GLIS3: variants seen among roughly 807,000 people sequenced by gnomAD.
The protein encoded by GLIS3 is GLIS family zinc finger 3, also known as zinc finger protein GLIS3.
GLIS3 carries 53 observed loss-of-function variants against 78.6 expected under a neutral mutation model. That is an observed-to-expected ratio of 0.67 (90% confidence interval 0.54 to 0.85). GLIS3 has a LOEUF of 0.85. GLIS3 is among the 40% of genes least tolerant of loss of function. GLIS3 has a pLI of 0.00. For synonymous variants in GLIS3, 684 were observed against 509.9 expected, an observed-to-expected ratio of 1.34 and a Z score of -4.60; for missense variants, 1,703 against 1,231.1, an observed-to-expected ratio of 1.38 and a Z score of -5.74.
intron 2 of GLIS3, among the ~76,000 whole-genome samples, chr9:4,324,867 G>C (rs1394618586): frequency 6.6e-6 from 1 of 152,106 alleles, no homozygotes; most frequent in East Asian, 1.9e-4. Context: ...CTCTTACCTT[G>C]CTTTAAAACC....
rs550356641 is a variant in GLIS3, at chr9:4,042,191, G to A, written c.1710+75577C>T. ...AGCTTCCTGAAGGAAGGAAGGATGAGTGGAGAGATTTGGGTACCAAAATTT... is the reference window on the plus strand; with the variant it reads ...AGCTTCCTGAAGGAAGGAAGGATGAATGGAGAGATTTGGGTACCAAAATTT... On this transcript the variant is annotated intron_variant, in intron 4 of 10. Transcript: ENST00000381971. Among the ~76,000 whole-genome samples, 14 of 152,214 alleles carry A rather than the reference G, an allele frequency of 9.2e-5. No homozygotes were observed. The East Asian group carries it at 2.7e-3, about 29-fold the overall frequency.
chr9:4,066,798 T>C (rs1222837550), intron 4 of GLIS3, among the ~76,000 whole-genome samples: 2 of 152,232 alleles, frequency 1.3e-5, no homozygotes, highest in African/African-American at 2.4e-5. Context: ...TCTAGCGTGC[T>C]TGTCTGCTTG....
intron 2 of GLIS3, among the ~76,000 whole-genome samples, chr9:4,128,894 C>T (rs919030606): frequency 6.6e-6 from 1 of 152,222 alleles, no homozygotes; most frequent in Non-Finnish European, 1.5e-5. Context: ...ACACTTTACA[C>T]TCAAGTGTAA....
chr9:3,958,283 C>A (rs1002290110), intron 4 of GLIS3, among the ~76,000 whole-genome samples: 3 of 152,062 alleles, frequency 2.0e-5, no homozygotes, highest in Non-Finnish European at 4.4e-5. Context: ...AAAAATGCAC[C>A]ATTTTTATTG....
intron 9 of GLIS3, among the ~76,000 whole-genome samples, chr9:3,836,060 CA>C (rs1478837640): frequency 6.6e-6 from 1 of 152,134 alleles, no homozygotes; most frequent in Non-Finnish European, 1.5e-5. Context: ...TGAAAAGGAA[CA>C]AATAAGGAAG....
intron 4 of GLIS3, among the ~76,000 whole-genome samples, chr9:4,091,725 C>T (rs922932022): frequency 6.6e-6 from 1 of 152,132 alleles, no homozygotes; most frequent in Non-Finnish European, 1.5e-5. Flanking sequence ...GTTTGCTTTC[C>T]CTTCTGCCAT....
intron 6 of GLIS3, among the ~76,000 whole-genome samples, chr9:3,929,979 T>G (rs1368255212): frequency 6.6e-6 from 1 of 152,322 alleles, no homozygotes; most frequent in Middle Eastern, 3.4e-3. Flanking sequence ...CATTGTACCA[T>G]GTAAATATTA....
At chr9:4,352,897 A>C (rs1337392306), upstream of GLIS3, among the ~76,000 whole-genome samples, 3 of 152,248 alleles carry the variant, frequency 2.0e-5, no homozygotes, top group East Asian at 5.8e-4. Context: ...TGGTGCATGG[A>C]AAAAATCCAG....
At chr9:3,934,363 T>C (rs1825777564) in intron 5 of GLIS3, among the ~76,000 whole-genome samples, 1 of 152,160 alleles carries the variant, frequency 6.6e-6, no homozygotes, top group South Asian at 2.1e-4. Flanking sequence ...GCCATTATTA[T>C]TACCATGGTC....
chr9:4,353,635 C>CG, the GLIS3 span, among the ~76,000 whole-genome samples: 24 of 152,104 alleles, frequency 1.6e-4, no homozygotes, highest in African/African-American at 5.8e-4. Flanking sequence ...TTACCCAAAA[C>CG]GGGCCGTAAT....
At chr9:4,138,625 T>C (rs540823869) in intron 2 of GLIS3, among the ~76,000 whole-genome samples, 2 of 152,250 alleles carry the variant, frequency 1.3e-5, no homozygotes, top group Admixed American at 1.3e-4. Flanking sequence ...CCGTAAAGAA[T>C]GAGACACTAG....
rs774757976 is a variant in GLIS3, at chr9:4,104,449, G to C, written c.1710+13319C>G. 2.0e-4 allele frequency among the ~76,000 whole-genome samples: 31 copies of C among 152,244 alleles called. 1 individual carries two copies. The highest frequency in any genetic ancestry group is 3.4e-3 in the Middle Eastern group (1 of 294). On this transcript the variant is annotated intron_variant, in intron 4 of 10. Coordinates refer to ENST00000381971, the MANE Select transcript of GLIS3 (RefSeq NM_001042413.2). ...ATTAAGTAGAAAGACCAGACAGAAGGCTACGGCAGTGCCCTCAATTCTAAG... is the reference window on the plus strand; with the variant it reads ...ATTAAGTAGAAAGACCAGACAGAAGCCTACGGCAGTGCCCTCAATTCTAAG...
chr9:4,113,848 T>C (rs1831416206), intron 4 of GLIS3, among the ~76,000 whole-genome samples: 1 of 152,198 alleles, frequency 6.6e-6, no homozygotes, highest in South Asian at 2.1e-4. Context: ...CTCTGGATTT[T>C]GCCAGGCAAA....
At chr9:3,836,253 C>T (rs777908380) in intron 9 of GLIS3, among the ~76,000 whole-genome samples, 1 of 152,176 alleles carries the variant, frequency 6.6e-6, no homozygotes, top group Non-Finnish European at 1.5e-5. Flanking sequence ...AATTGGCAGC[C>T]CCTCAGTTTC....
intron 2 of GLIS3, among the ~76,000 whole-genome samples, chr9:4,126,752 T>G (rs1442598059): frequency 6.6e-6 from 1 of 152,204 alleles, no homozygotes; most frequent in African/African-American, 2.4e-5. Flanking sequence ...ATTCTAGACA[T>G]TCTTTTTACA....
chr9:4,263,885 T>G lies in GLIS3; in HGVS notation c.388+22153A>C, dbSNP rs76673069. ...TTCTTCCTCTTTCTAGCCTCCAATGTTGATTTCTTCATGGCTCAGTTATTG... is the reference window on the plus strand; with the variant it reads ...TTCTTCCTCTTTCTAGCCTCCAATGGTGATTTCTTCATGGCTCAGTTATTG... On this transcript the variant is annotated intron_variant, in intron 2 of 10. Transcript: ENST00000381971. 2.0e-5 allele frequency among the ~76,000 whole-genome samples: 3 copies of G among 152,222 alleles called. No individual in the cohort carries two copies. In the East Asian group the frequency reaches 5.8e-4, roughly 29 times the overall value.
rs1411618346 is a variant in GLIS3 at position 4,034,832 on chromosome 9, T to C, written c.1710+82936A>G. ...CTTGCCTTCAGAACCTGAATGTCAC[T>C]TGGTGTCTTAGAATGACCTTCTTCT... On this transcript the variant is annotated intron_variant, in intron 4 of 10. Coordinates refer to ENST00000381971, the MANE Select transcript of GLIS3 (RefSeq NM_001042413.2). 3.3e-5 allele frequency: 5 copies of C among 152,152 alleles called. No individual in the cohort carries two copies. In the South Asian group the frequency reaches 6.2e-4, roughly 19 times the overall value. 9.4% of individuals were successfully genotyped at this position (152,152 alleles called of 1,614,324 possible). A position where few individuals can be genotyped will look rare whatever the true frequency, so the allele number is the denominator to read the frequency against.
Position 3,828,192 on chromosome 9 carries a change from A to G in GLIS3, c.*80T>C, listed in dbSNP as rs756201752. 1.3e-6 allele frequency: 2 copies of G among 1,541,622 alleles called. No individual in the cohort carries two copies. The highest frequency in any genetic ancestry group is 1.7e-5 in the Admixed American group (1 of 59,878). On this transcript the variant is annotated 3_prime_UTR_variant, in exon 11 of 11. Transcript: ENST00000381971. ...CTGATTGGGCTGACATCCTTCCTCA[A>G]GCAGTCTGTGAGAGTACGAAAACAA...
At chr9:4,111,258 T>G (rs951659136) in intron 4 of GLIS3, among the ~76,000 whole-genome samples, 2 of 152,214 alleles carry the variant, frequency 1.3e-5, no homozygotes, top group Non-Finnish European at 2.9e-5. Context: ...AACCATCATG[T>G]AGTTAATGAT....
Sources: allele counts gnomAD v4.1 joint callset (sites outside exome capture counted in the v4.1 genomes callset), GRCh38; gene constraint gnomAD v4.1.1; transcripts MANE v1.5; gene names NCBI Gene and HGNC (gene_info 2026-07-23, HGNC 2026-07-21).